Variants in STMND1 observed in about 807,000 individuals in gnomAD.
The protein encoded by STMND1 is stathmin domain-containing protein 1.
STMND1 carries 17 observed loss-of-function variants against 23.0 expected under a neutral mutation model. That is an observed-to-expected ratio of 0.74 (90% CI 0.51 to 1.11). The LOEUF is 1.11. Ranked by LOEUF, STMND1 falls within the 50% of genes least tolerant of loss-of-function variation. STMND1 has a pLI of 0.00. For missense variants in STMND1, 305 were observed against 329.1 expected (o/e 0.93, Z 0.57); for synonymous variants, 114 against 119.9 (o/e 0.95, Z 0.32).
rs527338381 is a variant in STMND1, at chr6:17,114,783, GCCACGGACCAGTA to G, written c.82-177_82-165del. The stretch of plus-strand genomic sequence containing the variant: ...CGCTCTGCAGCCCAGTTCCTAACAG[GCCACGGACCAGTA>G]CTGGTATGTGGCCCAGGGGGTTGGG... On this transcript the variant is annotated intron_variant, in intron 1 of 4. Coordinates refer to ENST00000536551, the MANE Select transcript of STMND1 (RefSeq NM_001190766.2). 3.5e-4 allele frequency among the ~76,000 whole-genome samples: 54 copies of G among 152,294 alleles called. 4 individuals are homozygous for G. In the South Asian group the frequency reaches 0.011, roughly 31 times the overall value.
chr6:17,128,635 CTGT>C (rs1245966425), intron 3 of STMND1: 1 of 152,596 alleles, frequency 6.6e-6, no homozygotes, highest in Non-Finnish European at 1.5e-5. Flanking sequence ...CGTTATAATT[CTGT>C]TGTTATCAAC....
intron 3 of STMND1, among the ~76,000 whole-genome samples, chr6:17,127,576 G>A (rs369847031): frequency 3.3e-5 from 5 of 152,070 alleles, no homozygotes; most frequent in East Asian, 3.9e-4. Context: ...AAAAAAACCC[G>A]TCATTCCATA....
At chr6:17,103,463 T>G (rs977168281) in intron 1 of STMND1, among the ~76,000 whole-genome samples, 1 of 152,034 alleles carries the variant, frequency 6.6e-6, no homozygotes, top group Non-Finnish European at 1.5e-5. Flanking sequence ...ATTTAGTACC[T>G]GGTGCCCTGG....
At chr6:17,102,434 G>C in intron 1 of STMND1, 96 bp downstream of exon 1, 1 of 1,452,720 alleles carries the variant, frequency 6.9e-7, no homozygotes, top group Non-Finnish European at 9.3e-7. Flanking sequence ...ACAAGAGTTG[G>C]CTGGAGCAGG....
intron 1 of STMND1, chr6:17,111,021 A>G (rs894317825): frequency 3.2e-6 from 1 of 312,340 alleles, no homozygotes. Context: ...TTCTGAACAC[A>G]TTAGCATTTA....
intron 1 of STMND1, among the ~76,000 whole-genome samples, chr6:17,114,304 G>A (rs1245095852): frequency 6.6e-6 from 1 of 150,920 alleles, no homozygotes; most frequent in Non-Finnish European, 1.5e-5. Context: ...CACCCTTGTG[G>A]CACAAGCTGA....
chr6:17,111,000 G>A (rs891896853), intron 1 of STMND1: 11 of 350,754 alleles, frequency 3.1e-5, no homozygotes, highest in Admixed American at 7.3e-5. Flanking sequence ...GGGGAGATAC[G>A]ATAAAAGTTT....
At chr6:17,126,067 TA>T (rs1235008737) in intron 3 of STMND1, among the ~76,000 whole-genome samples, 556 of 26,462 alleles carry the variant, frequency 0.021, 4 homozygotes, top group East Asian at 0.04. Context: ...TATATATATA[TA>T]TATTTTTTTT....
At chr6:17,119,512 T>C (rs1019273686) in intron 2 of STMND1, among the ~76,000 whole-genome samples, 7 of 152,160 alleles carry the variant, frequency 4.6e-5, no homozygotes, top group Admixed American at 3.3e-4. Context: ...GAGACCAGCC[T>C]GTCCAACATG....
intron 1 of STMND1, among the ~76,000 whole-genome samples, chr6:17,105,977 C>G (rs1023148017): frequency 6.6e-6 from 1 of 151,846 alleles, no homozygotes; most frequent in African/African-American, 2.4e-5. Context: ...GCTGTCCTGG[C>G]CCATCCTGGA....
intron 1 of STMND1, among the ~76,000 whole-genome samples, chr6:17,111,318 C>G (rs1412286823): frequency 6.6e-6 from 1 of 152,150 alleles, no homozygotes; most frequent in African/African-American, 2.4e-5. Context: ...TCTGGAAACA[C>G]ATATTAATAT....
At position 17,102,058 on chromosome 6, in the gene STMND1, C is replaced by G. The variant is rs1034696794; in HGVS notation, c.-200C>G. On this transcript the variant is annotated 5_prime_UTR_variant, in exon 1 of 5. Transcript: ENST00000536551. The stretch of plus-strand genomic sequence containing the variant: ...AATTTATTGTGGCAACCATTCCTGG[C>G]GACTGCCCAGAAACTCAGTGCGTCC... 1.3e-5 allele frequency among the ~76,000 whole-genome samples: 2 copies of G among 152,220 alleles called. No homozygotes were observed. The highest frequency in any genetic ancestry group is 2.9e-5 in the Non-Finnish European group (2 of 68,042).
chr6:17,109,445 T>C (rs1344277401), intron 1 of STMND1, among the ~76,000 whole-genome samples: 7 of 152,184 alleles, frequency 4.6e-5, no homozygotes, highest in African/African-American at 1.7e-4. Context: ...TTGTGATCTC[T>C]ACTTAGCCTC....
rs1760943213 is a variant in STMND1 at position 17,102,075 on chromosome 6, A to G, written c.-183A>G. On this transcript the variant is annotated 5_prime_UTR_variant, in exon 1 of 5. Coordinates refer to ENST00000536551, the MANE Select transcript of STMND1 (RefSeq NM_001190766.2). ...ATTCCTGGCGACTGCCCAGAAACTC[A>G]GTGCGTCCTGCCCGGGGTTTAAGCG... Among the ~76,000 whole-genome samples, 1 of 152,224 alleles carries G rather than the reference A, an allele frequency of 6.6e-6. No homozygotes were observed. Among genetic ancestry groups the G allele is most frequent in the African/African-American group, 2.4e-5 (1 of 41,480 alleles).
intron 3 of STMND1, among the ~76,000 whole-genome samples, chr6:17,125,527 A>C (rs1761284098): frequency 6.6e-6 from 1 of 152,138 alleles, no homozygotes; most frequent in Non-Finnish European, 1.5e-5. Flanking sequence ...TGTGACTTCT[A>C]TACTTGGGAA....
chr6:17,103,154 A>C (rs1347445875), intron 1 of STMND1, among the ~76,000 whole-genome samples: 1 of 152,248 alleles, frequency 6.6e-6, no homozygotes, highest in Non-Finnish European at 1.5e-5. Flanking sequence ...ACACCGAAAG[A>C]TAAGGCTAAC....
chr6:17,114,746 C>T (rs1761135696), intron 1 of STMND1, among the ~76,000 whole-genome samples: 3 of 152,168 alleles, frequency 2.0e-5, no homozygotes, highest in African/African-American at 7.2e-5. Flanking sequence ...GGCTAGCCCA[C>T]TCCTCACCTC....
intron 1 of STMND1, among the ~76,000 whole-genome samples, chr6:17,105,858 G>A (rs1246719252): frequency 6.6e-6 from 1 of 152,046 alleles, no homozygotes; most frequent in East Asian, 1.9e-4. Flanking sequence ...CTGGGAGGCG[G>A]AACTTGCAGT....
intron 1 of STMND1, 37 bp from the exon 2 acceptor site, chr6:17,114,925 A>G: frequency 6.7e-7 from 1 of 1,483,334 alleles, no homozygotes; most frequent in Non-Finnish European, 8.9e-7. Flanking sequence ...ATTTACCAAG[A>G]AATCTTGACT....
Sources: allele counts gnomAD v4.1 joint callset (sites outside exome capture counted in the v4.1 genomes callset), GRCh38; gene constraint gnomAD v4.1.1; transcripts MANE v1.5; gene names NCBI Gene and HGNC (gene_info 2026-07-23, HGNC 2026-07-21).